The following EVI5 variants were observed in gnomAD, a reference collection of about 807,000 sequenced individuals.
EVI5 encodes ecotropic viral integration site 5, also known as ecotropic viral integration site 5 protein homolog.
In EVI5, 73 loss-of-function variants were observed where a neutral mutation model predicts 112.0. The observed-to-expected ratio is 0.65, with a 90% CI of 0.54 to 0.79. The LOEUF (loss-of-function observed/expected upper bound fraction) is 0.79. Ranked by LOEUF, EVI5 falls within the 30% of genes least tolerant of loss-of-function variation. The pLI, the probability that EVI5 is intolerant of heterozygous loss-of-function variation, is 0.00. For missense variants in EVI5, 900 were observed against 968.8 expected (o/e 0.93, Z 0.94); for synonymous variants, 305 against 319.9 (o/e 0.95, Z 0.50).
At chr1:92,761,305 A>G (rs1282413663) in intron 1 of EVI5, among the ~76,000 whole-genome samples, 2 of 152,170 alleles carry the variant, frequency 1.3e-5, no homozygotes, top group East Asian at 3.8e-4. Flanking sequence ...ACAAAATTAC[A>G]AACCAGAGTG....
At chr1:92,661,979 C>T (rs1470521214) in intron 13 of EVI5, among the ~76,000 whole-genome samples, 1 of 152,100 alleles carries the variant, frequency 6.6e-6, no homozygotes, top group African/African-American at 2.4e-5. Flanking sequence ...TTCTTTTACC[C>T]TCATATTCCT....
intron 18 of EVI5, among the ~76,000 whole-genome samples, chr1:92,574,765 A>T (rs1670796734): frequency 6.6e-6 from 1 of 152,176 alleles, no homozygotes; most frequent in South Asian, 2.1e-4. Flanking sequence ...GGAACATTTT[A>T]AAACATACAA....
chr1:92,620,364 A>G (rs1280449012), intron 16 of EVI5, among the ~76,000 whole-genome samples: 1 of 150,732 alleles, frequency 6.6e-6, no homozygotes, highest in African/African-American at 2.4e-5. Flanking sequence ...AAAAAAAAAG[A>G]AAGAAATAAC....
intron 2 of EVI5, among the ~76,000 whole-genome samples, chr1:92,734,533 T>G (rs982285198): frequency 6.6e-6 from 1 of 152,182 alleles, no homozygotes; most frequent in Non-Finnish European, 1.5e-5. Context: ...TGCAGTGGCA[T>G]GATCTCCGCT....
At chr1:92,587,230 C>T (rs960077239) in intron 18 of EVI5, among the ~76,000 whole-genome samples, 2 of 151,948 alleles carry the variant, frequency 1.3e-5, no homozygotes, top group Admixed American at 1.3e-4. Context: ...TACGTATTTT[C>T]CTGACAATTA....
At chr1:92,602,860 G>A (rs1649485341) in intron 18 of EVI5, among the ~76,000 whole-genome samples, 1 of 151,896 alleles carries the variant, frequency 6.6e-6, no homozygotes, top group East Asian at 1.9e-4. Context: ...CGTTGATTCA[G>A]CAAAATTAAA....
intron 13 of EVI5, 89 bp downstream of exon 13, chr1:92,662,627 AAAC>A (rs1442267574): frequency 1.2e-6 from 1 of 853,882 alleles, no homozygotes; most frequent in African/African-American, 1.8e-5. Flanking sequence ...AAATTATTTA[AAAC>A]AACAGCACAA....
At chr1:92,702,488 G>GATAAAAT (rs1671339176) in intron 4 of EVI5, among the ~76,000 whole-genome samples, 1 of 99,818 alleles carries the variant, frequency 1.0e-5, no homozygotes, top group Non-Finnish European at 2.2e-5. Context: ...TAAAATAAAG[G>GATAAAAT]AATTTGTAAC....
At chr1:92,555,692 T>C (rs928524082) in intron 19 of EVI5, among the ~76,000 whole-genome samples, 1 of 151,802 alleles carries the variant, frequency 6.6e-6, no homozygotes, top group Non-Finnish European at 1.5e-5. Context: ...TCTGCTAAGA[T>C]ACAAAAAATT....
At chr1:92,715,955 G>A (rs571136102) in intron 2 of EVI5, among the ~76,000 whole-genome samples, 73 of 152,214 alleles carry the variant, frequency 4.8e-4, no homozygotes, top group Non-Finnish European at 7.2e-4. Flanking sequence ...CAAAGCGGCC[G>A]GGAAGCTCAA....
rs367626748 is a variant in EVI5 at position 92,665,919 on chromosome 1, A to G, written c.1212+20T>C. ...CACCAGGCATTCAACAGAAGCTTGC[A>G]TAAGTAGTCACTTACTTACTTTTTC... On this transcript the variant is annotated intron_variant, in intron 11 of 19. Transcript: ENST00000684568. 3.0e-5 allele frequency: 47 copies of G among 1,546,404 alleles called. No individual in the cohort carries two copies. The African/African-American group carries it at 3.7e-4, about 12-fold the overall frequency.
intron 1 of EVI5, among the ~76,000 whole-genome samples, chr1:92,780,852 AT>A (rs869256592): frequency 0.082 from 11,397 of 139,584 alleles, 1,105 homozygotes; most frequent in African/African-American, 0.26. Flanking sequence ...AAAAAAGTAA[AT>A]TTTTTTTTTT....
At chr1:92,577,364 T>C (rs1368209647) in intron 18 of EVI5, among the ~76,000 whole-genome samples, 2 of 152,192 alleles carry the variant, frequency 1.3e-5, no homozygotes, top group Non-Finnish European at 2.9e-5. Flanking sequence ...CTCACACCAC[T>C]TGTAGGGACT....
intron 19 of EVI5, among the ~76,000 whole-genome samples, chr1:92,540,206 G>C (rs1295747013): frequency 6.6e-6 from 1 of 152,174 alleles, no homozygotes. Flanking sequence ...ATATACCCAG[G>C]AGTGGAACTG....
Position 92,624,280 on chromosome 1 carries a change from T to C in EVI5, c.1723A>G (p.Met575Val), listed in dbSNP as rs745514594. The C allele has an allele frequency of 1.5e-5, 24 of 1,613,320 alleles. No individual in the cohort carries two copies. In the East Asian group the frequency reaches 3.3e-4, roughly 22 times the overall value. ...RWKDPPKKNA[M>V]NELQDELMTI... ...ATCAGTTCATCTTGTAACTCATTCA[T>C]AGCATTTTTCTTGGGTGGGTCTTTC... Residue 575 changes from methionine to valine, a missense_variant, in exon 16 of 20, where the codon ATG becomes GTG. Physicochemically the swap from Met to Val is conservative, Grantham distance 21. Coordinates refer to ENST00000684568, the MANE Select transcript of EVI5 (RefSeq NM_001350197.2).
intron 10 of EVI5, among the ~76,000 whole-genome samples, chr1:92,668,092 A>G (rs1665242232): frequency 6.6e-6 from 1 of 152,214 alleles, no homozygotes; most frequent in South Asian, 2.1e-4. Context: ...TATAACATAT[A>G]AAGTATTAGT....
intron 2 of EVI5, among the ~76,000 whole-genome samples, chr1:92,715,447 T>C (rs2102646173): frequency 6.6e-6 from 1 of 152,328 alleles, no homozygotes; most frequent in East Asian, 1.9e-4. Flanking sequence ...CTTGTCAAAA[T>C]CTCTTTTCTG....
Position 92,781,366 on chromosome 1 carries a change from G to C in EVI5, c.-82+3470C>G, listed in dbSNP as rs564780555. 3.3e-5 allele frequency among the ~76,000 whole-genome samples: 5 copies of C among 152,022 alleles called. No homozygotes were observed. The South Asian group carries it at 8.3e-4, about 25-fold the overall frequency. On this transcript the variant is annotated intron_variant, in intron 1 of 19. Coordinates refer to ENST00000684568, the MANE Select transcript of EVI5 (RefSeq NM_001350197.2). Reference sequence around the variant, plus strand: ...TACAAAACATACAAAAATTAGCCAGGCATGGTGGCATATGCCTGTAGTCGT... The same window carrying C: ...TACAAAACATACAAAAATTAGCCAGCCATGGTGGCATATGCCTGTAGTCGT...
At chr1:92,626,908 T>G (rs1040630080) in intron 14 of EVI5, among the ~76,000 whole-genome samples, 6 of 152,248 alleles carry the variant, frequency 3.9e-5, no homozygotes, top group African/African-American at 1.4e-4. Context: ...CTCTGTGTAT[T>G]AGTCACTATT....
Sources: allele counts gnomAD v4.1 joint callset (sites outside exome capture counted in the v4.1 genomes callset), GRCh38; gene constraint gnomAD v4.1.1; transcripts MANE v1.5; gene names NCBI Gene and HGNC (gene_info 2026-07-23, HGNC 2026-07-21).